INTS9: variants seen among roughly 807,000 people sequenced by gnomAD.
INTS9 encodes the protein protein related to CPSF subunits of 74 kDa.
INTS9 carries 55 observed loss-of-function variants against 79.7 expected under a neutral mutation model. The observed-to-expected ratio is 0.69, with a 90% CI of 0.56 to 0.86. The LOEUF (loss-of-function observed/expected upper bound fraction) is 0.86, where lower values mean the gene tolerates loss of function less well. Among genes scored for constraint, INTS9 ranks in the 40% least tolerant of loss-of-function variants. The pLI, the probability that INTS9 is intolerant of heterozygous loss-of-function variation, is 0.00. For missense variants in INTS9, 721 were observed against 831.5 expected, an observed-to-expected ratio of 0.87 and a Z score of 1.64; for synonymous variants, 319 against 325.2, an observed-to-expected ratio of 0.98 and a Z score of 0.20.
At chr8:28,784,332 A>G (rs1803464666) in intron 11 of INTS9, among the ~76,000 whole-genome samples, 1 of 152,270 alleles carries the variant, frequency 6.6e-6, no homozygotes, top group African/African-American at 2.4e-5. Context: ...AAAGGAAGCA[A>G]AACAGACATT....
chr8:28,884,335 C>T (rs1194387411), intron 1 of INTS9, among the ~76,000 whole-genome samples: 1 of 151,728 alleles, frequency 6.6e-6, no homozygotes, highest in Non-Finnish European at 1.5e-5. Context: ...GGGCACAAGA[C>T]ACCAGGCCTA....
At chr8:28,849,602 G>C (rs896468508) in intron 3 of INTS9, among the ~76,000 whole-genome samples, 1 of 151,822 alleles carries the variant, frequency 6.6e-6, no homozygotes, top group African/African-American at 2.4e-5. Flanking sequence ...ATTTACCTAA[G>C]AGTACTGTCC....
In INTS9 at chr8:28,800,064, G is replaced by T. The variant is rs115555420; in HGVS notation, c.745-3409C>A. Among the ~76,000 whole-genome samples the T allele has an allele frequency of 2.7e-3, 411 of 152,250 alleles. 4 individuals are homozygous for T. Among genetic ancestry groups the T allele is most frequent in the African/African-American group, 9.3e-3 (385 of 41,552 alleles). On this transcript the variant is annotated intron_variant, in intron 8 of 16. Coordinates refer to ENST00000521022, the MANE Select transcript of INTS9 (RefSeq NM_018250.4). ...ATCTAATACTTTCTATCTCAGCACT[G>T]ATCACTCCAAACTGAAAGTACTATT...
chr8:28,795,417 G>A (rs1386412313), intron 9 of INTS9, among the ~76,000 whole-genome samples: 4 of 151,964 alleles, frequency 2.6e-5, no homozygotes, highest in Admixed American at 6.5e-5. Context: ...CGAGGCGGAC[G>A]GATCATGAGG....
chr8:28,846,908 T>G, intron 3 of INTS9, 99 bp from the exon 4 acceptor site: 1 of 885,960 alleles, frequency 1.1e-6, no homozygotes, highest in Non-Finnish European at 1.9e-6. Context: ...TGAAGAATCA[T>G]AGACTACTAG....
intron 14 of INTS9, among the ~76,000 whole-genome samples, chr8:28,773,552 ATCT>A (rs1031476107): frequency 6.8e-6 from 1 of 147,490 alleles, no homozygotes. Context: ...CTTTTGAAAT[ATCT>A]TTTTTTTTTT....
At chr8:28,885,428 A>G (rs1381182423) in intron 1 of INTS9, among the ~76,000 whole-genome samples, 1 of 152,240 alleles carries the variant, frequency 6.6e-6, no homozygotes, top group Non-Finnish European at 1.5e-5. Flanking sequence ...GTGTCTCAGC[A>G]AAATTATAAA....
chr8:28,883,885 G>A (rs1810028107), intron 1 of INTS9, among the ~76,000 whole-genome samples: 2 of 152,164 alleles, frequency 1.3e-5, no homozygotes, highest in Non-Finnish European at 1.5e-5. Context: ...AACCAGGAGT[G>A]TATTTTCCAT....
intron 1 of INTS9, among the ~76,000 whole-genome samples, chr8:28,871,972 A>G (rs1262007778): frequency 1.3e-5 from 2 of 152,236 alleles, no homozygotes; most frequent in Non-Finnish European, 2.9e-5. Flanking sequence ...GTGAAAAAAC[A>G]TATGTAAAGA....
At chr8:28,851,843 T>A (rs1276925409) in intron 2 of INTS9, among the ~76,000 whole-genome samples, 1 of 152,228 alleles carries the variant, frequency 6.6e-6, no homozygotes, top group Admixed American at 6.5e-5. Flanking sequence ...GACTCCCACA[T>A]ACCCTTTATC....
At chr8:28,780,540 T>C (rs1803194739) in intron 12 of INTS9, 1 of 985,472 alleles carries the variant, frequency 1.0e-6, no homozygotes. Context: ...ACTGCACTTC[T>C]TGAAATGGCT....
chr8:28,828,824 C>T (rs139624215), intron 6 of INTS9, among the ~76,000 whole-genome samples: 44 of 152,048 alleles, frequency 2.9e-4, no homozygotes, highest in African/African-American at 9.6e-4. Context: ...TCAGCTCCCA[C>T]GTAGCTGGGA....
At chr8:28,819,067 C>T (rs1002762163) in intron 6 of INTS9, among the ~76,000 whole-genome samples, 11 of 152,064 alleles carry the variant, frequency 7.2e-5, no homozygotes, top group African/African-American at 2.4e-4. Flanking sequence ...GTCTTGCTAG[C>T]AGTCTATCAA....
intron 8 of INTS9, among the ~76,000 whole-genome samples, chr8:28,802,066 T>G (rs1418083714): frequency 1.3e-5 from 2 of 152,182 alleles, no homozygotes; most frequent in Non-Finnish European, 2.9e-5. Flanking sequence ...ATCCCATGGA[T>G]AAGAAGGAAT....
At position 28,785,502 on chromosome 8, in the gene INTS9, T is replaced by C. The variant is rs116335850; in HGVS notation, c.1098+2327A>G. Reference sequence around the variant, plus strand: ...CAGGAGTTTCTGTTATTCAGTGGATTATATTCATTACTAGCATTATTTATT... The same window carrying C: ...CAGGAGTTTCTGTTATTCAGTGGATCATATTCATTACTAGCATTATTTATT... On this transcript the variant is annotated intron_variant, in intron 11 of 16. Transcript: ENST00000521022. 8.7e-3 allele frequency among the ~76,000 whole-genome samples: 1,325 copies of C among 152,350 alleles called. 23 individuals carry two copies. Among genetic ancestry groups the C allele is most frequent in the African/African-American group, 0.031 (1,274 of 41,582 alleles).
Position 28,772,806 on chromosome 8 carries a change from CAAAAAA to C in INTS9, c.1564-1732_1564-1727del, listed in dbSNP as rs919242833. On this transcript the variant is annotated intron_variant, in intron 14 of 16. Coordinates refer to ENST00000521022, the MANE Select transcript of INTS9 (RefSeq NM_018250.4). ...TGGGCAACACAGCGAGACTCCGTCT[CAAAAAA>C]AGAAAAAAAAAGACATACAATTTAA... Among the ~76,000 whole-genome samples, 56 of 149,888 alleles carry C rather than the reference CAAAAAA, an allele frequency of 3.7e-4. 1 individual carries two copies. In the Middle Eastern group the frequency reaches 0.031, roughly 83 times the overall value.
intron 1 of INTS9, among the ~76,000 whole-genome samples, chr8:28,881,236 C>T (rs1809765000): frequency 2.0e-5 from 3 of 149,472 alleles, no homozygotes; most frequent in South Asian, 2.1e-4. Flanking sequence ...CCAGTCGCCC[C>T]GTCCAGGAGG....
intron 7 of INTS9, 78 bp downstream of exon 7, chr8:28,813,414 T>C: frequency 5.6e-6 from 8 of 1,431,910 alleles, no homozygotes; most frequent in Admixed American, 1.7e-5. Context: ...AACGTAACTA[T>C]AGGATTCTTC....
At chr8:28,879,797 A>G (rs1809597009) in intron 1 of INTS9, among the ~76,000 whole-genome samples, 2 of 152,200 alleles carry the variant, frequency 1.3e-5, no homozygotes, top group South Asian at 4.1e-4. Context: ...CACCAAATGA[A>G]AGAAGATGTC....
Sources: allele counts gnomAD v4.1 joint callset (sites outside exome capture counted in the v4.1 genomes callset), GRCh38; gene constraint gnomAD v4.1.1; transcripts MANE v1.5; gene names NCBI Gene and HGNC (gene_info 2026-07-23, HGNC 2026-07-21).